CARS2: variants seen among roughly 807,000 people sequenced by gnomAD.
The protein encoded by CARS2 is probable cysteine--tRNA ligase, mitochondrial.
A neutral mutation model predicts 68.8 loss-of-function variants in CARS2; 52 were observed. The observed-to-expected ratio is 0.76, with a 90% CI of 0.61 to 0.95. The LOEUF is 0.95. Ranked by LOEUF, CARS2 falls within the 40% of genes least tolerant of loss-of-function variation. The pLI is 0.00. For synonymous variants in CARS2, 314 were observed against 303.6 expected, an observed-to-expected ratio of 1.03 and a Z score of -0.36; for missense variants, 780 against 754.2, an observed-to-expected ratio of 1.03 and a Z score of -0.40.
rs140488394 is a variant in CARS2 at position 110,653,199 on chromosome 13, A to ATGTGTG, written c.988-2105_988-2100dup. On this transcript the variant is annotated intron_variant, in intron 9 of 14. Transcript: ENST00000257347. This position sits in a 1 kb window ranked among gnomAD's most constrained non-coding sequence, Gnocchi z 5.6. ...CTGGGGTGGGGAGGGGGGCTGGGGTATGTGTGTGTGTGTGTTTGTGTGTGT... is the reference window on the plus strand; with the variant it reads ...CTGGGGTGGGGAGGGGGGCTGGGGTATGTGTGTGTGTGTGTGTGTGTTTGTGTGTGT... 0.013 allele frequency among the ~76,000 whole-genome samples: 1,984 copies of ATGTGTG among 148,886 alleles called. 28 individuals carry two copies. Among genetic ancestry groups the ATGTGTG allele is most frequent in the South Asian group, 0.047 (219 of 4,662 alleles).
Position 110,702,885 on chromosome 13 carries a change from C to T in CARS2, c.276-1330G>A, listed in dbSNP as rs867350076. The stretch of plus-strand genomic sequence containing the variant: ...GCTACCGTCAGCCCGGCTCTTTCTG[C>T]CCCATTTTCTCCATCCACTGGGTGA... On this transcript the variant is annotated intron_variant, in intron 2 of 14. Coordinates refer to ENST00000257347, the MANE Select transcript of CARS2 (RefSeq NM_024537.4). 2.6e-5 allele frequency among the ~76,000 whole-genome samples: 4 copies of T among 152,322 alleles called. No homozygotes were observed. In the South Asian group the frequency reaches 8.3e-4, roughly 32 times the overall value.
In CARS2 at chr13:110,642,433, AGC is replaced by A; in HGVS notation, c.1503_1504del (p.Leu502GlyfsTer95). On this transcript the variant is annotated frameshift_variant, in exon 14 of 15. Transcript: ENST00000257347. LOFTEE classifies it high-confidence loss of function. ...GTCCCCCGTGGCCTCGGGCATGGCC[AGC>A]GCAAACTGCCGGACCTTCTGCCGGA... The A allele has an allele frequency of 6.2e-7, 1 of 1,606,230 alleles. No individual in the cohort carries two copies. Among genetic ancestry groups the A allele is most frequent in the Non-Finnish European group, 8.5e-7 (1 of 1,176,908 alleles).
At chr13:110,675,617 T>A (rs1296925504) in intron 7 of CARS2, among the ~76,000 whole-genome samples, 5 of 152,086 alleles carry the variant, frequency 3.3e-5, no homozygotes, top group Middle Eastern at 3.4e-3. Context: ...GATGAGGAGT[T>A]AATGGGTGCA....
At chr13:110,710,849 T>C (rs1384236085), upstream of CARS2, among the ~76,000 whole-genome samples, 4 of 152,344 alleles carry the variant, frequency 2.6e-5, no homozygotes, top group African/African-American at 4.8e-5. Context: ...TGTTGAATGC[T>C]TAAGATGCCT....
intron 8 of CARS2, chr13:110,666,934 G>T (rs1161292886): frequency 1.4e-5 from 14 of 985,324 alleles, no homozygotes; most frequent in Non-Finnish European, 1.7e-5. Context: ...GACAGCTGGG[G>T]TTCATCAGTT....
At chr13:110,660,864 T>A (rs2478465) in intron 9 of CARS2, among the ~76,000 whole-genome samples, 10 of 149,018 alleles carry the variant, frequency 6.7e-5, no homozygotes, top group African/African-American at 2.2e-4. Context: ...CAGGTTCAAG[T>A]GATTCTCCTG....
intron 1 of CARS2, chr13:110,712,338 G>A (rs2064036785): frequency 6.0e-6 from 1 of 166,120 alleles, no homozygotes; most frequent in Non-Finnish European, 1.3e-5. Context: ...AGGGTCCAAG[G>A]CGGAAGAAAA....
chr13:110,712,605 A>C (rs1168595941), intron 1 of CARS2: 1 of 434,282 alleles, frequency 2.3e-6, no homozygotes, highest in Admixed American at 3.4e-5. Flanking sequence ...CAGAAAGCCC[A>C]AAATCCGGGA....
intron 9 of CARS2, among the ~76,000 whole-genome samples, chr13:110,661,790 A>G (rs2062508551): frequency 6.6e-6 from 1 of 152,122 alleles, no homozygotes; most frequent in African/African-American, 2.4e-5. Context: ...TGTCTCAGGG[A>G]ATAGGGGAGT....
At chr13:110,662,488 G>A (rs1339370840) in intron 9 of CARS2, among the ~76,000 whole-genome samples, 1 of 152,252 alleles carries the variant, frequency 6.6e-6, no homozygotes, top group Admixed American at 6.5e-5. Context: ...CACGTGTGCC[G>A]TGCACGCTCT....
At chr13:110,658,796 G>T (rs2062433165) in intron 9 of CARS2, among the ~76,000 whole-genome samples, 1 of 152,086 alleles carries the variant, frequency 6.6e-6, no homozygotes. Context: ...AGGCATGGTG[G>T]TGTGCACCTA....
intron 3 of CARS2, among the ~76,000 whole-genome samples, chr13:110,690,152 C>T (rs543001085): frequency 6.6e-5 from 10 of 152,290 alleles, no homozygotes; most frequent in African/African-American, 2.4e-4. Context: ...CGCTTGAACC[C>T]AGGAACTGGA....
At chr13:110,698,213 T>A (rs774008386) in intron 3 of CARS2, among the ~76,000 whole-genome samples, 1 of 151,192 alleles carries the variant, frequency 6.6e-6, no homozygotes. Context: ...TATATGTATA[T>A]TTTTTTTTCA....
intron 5 of CARS2, 29 bp downstream of exon 5, chr13:110,687,678 CAAAAAAAAAAAAAG>C (rs768718396): frequency 2.6e-4 from 207 of 789,384 alleles, no homozygotes; most frequent in South Asian, 3.9e-4. Flanking sequence ...AACTCTGTCT[CAAAAAAAAAAAAAG>C]AAAAAAAAAA....
intron 9 of CARS2, among the ~76,000 whole-genome samples, chr13:110,655,687 C>T (rs912151815): frequency 6.6e-6 from 1 of 152,180 alleles, no homozygotes; most frequent in Non-Finnish European, 1.5e-5. Flanking sequence ...ATTTTTCTAC[C>T]GTGTGGTTCT....
At chr13:110,644,520 A>G in intron 12 of CARS2, 37 bp from the exon 13 acceptor site, 1 of 1,611,800 alleles carries the variant, frequency 6.2e-7, no homozygotes, top group South Asian at 1.1e-5. Context: ...CCTTAAAAGC[A>G]GTCTTGATGG....
In CARS2 at chr13:110,683,053, G is replaced by C. The variant is rs1438192842; in HGVS notation, c.653C>G (p.Pro218Arg). 1.9e-6 allele frequency: 3 copies of C among 1,598,108 alleles called. No homozygotes were observed. Among genetic ancestry groups the C allele is most frequent in the Non-Finnish European group, 2.6e-6 (3 of 1,174,466 alleles). Residue 218 changes from proline to arginine, a missense_variant and splice_region_variant, in exon 6 of 15, where the codon CCA (proline) becomes CGA (arginine). By Grantham distance (103) the Pro-to-Arg change is moderately radical (BLOSUM62 -2). Coordinates refer to ENST00000257347, the MANE Select transcript of CARS2 (RefSeq NM_024537.4). Reference sequence around the variant, plus strand: ...AGGGCTGAGCCCGGCCAACCCACCTGGCTCTCCGACTGGACCAGGGACCAC... The same window carrying C: ...AGGGCTGAGCCCGGCCAACCCACCTCGCTCTCCGACTGGACCAGGGACCAC... ...VGVVPGPVGE[P>R]ADSDKRHASD...
intron 7 of CARS2, among the ~76,000 whole-genome samples, chr13:110,673,206 A>G (rs1014722259): frequency 2.0e-5 from 3 of 152,232 alleles, no homozygotes; most frequent in African/African-American, 7.2e-5. Context: ...ATCCTCCCTC[A>G]TTTTAAGAGG....
At chr13:110,646,263 A>G (rs1441484191) in intron 11 of CARS2, 173 bp from the exon 12 acceptor site, 1 of 639,786 alleles carries the variant, frequency 1.6e-6, no homozygotes, top group Non-Finnish European at 2.5e-6. Context: ...TGTAACATCA[A>G]CTGCAAACTG....
Sources: gnomAD v4.1 joint callset for allele counts (sites outside exome capture counted in the v4.1 genomes callset) on GRCh38, gnomAD v4.1.1 for gene constraint, Gnocchi (gnomAD v3.1) non-coding constraint, MANE v1.5 for transcripts, NCBI Gene and HGNC (gene_info 2026-07-23, HGNC 2026-07-21) for gene names.